Variants in STK32C observed in about 807,000 individuals in gnomAD.
STK32C encodes the protein serine/threonine kinase 32C.
A neutral mutation model predicts 56.5 loss-of-function variants in STK32C; 31 were observed. That is an observed-to-expected ratio of 0.55 (90% CI 0.41 to 0.74). The LOEUF is 0.74. Among genes scored for constraint, STK32C ranks in the 30% least tolerant of loss-of-function variants. STK32C has a pLI of 0.00. For synonymous variants in STK32C, 309 were observed against 289.4 expected (o/e 1.07, Z -0.69); for missense variants, 544 against 676.9 (o/e 0.80, Z 2.18).
chr10:132,290,929 G>A (rs923493696), intron 1 of STK32C, among the ~76,000 whole-genome samples: 1 of 152,132 alleles, frequency 6.6e-6, no homozygotes. Context: ...CCACATCCAG[G>A]GCAACCCAAG....
intron 1 of STK32C, among the ~76,000 whole-genome samples, chr10:132,305,558 G>A (rs969819603): frequency 3.3e-5 from 5 of 152,196 alleles, no homozygotes; most frequent in Admixed American, 6.5e-5. Flanking sequence ...ACGGGGCCAC[G>A]AAAGTACCAG....
chr10:132,308,019 G>C, upstream of STK32C: 2 of 822,662 alleles, frequency 2.4e-6, no homozygotes, highest in Non-Finnish European at 1.5e-6. Context: ...TCTGGAAGGG[G>C]CGGGGGCGGG....
In STK32C at chr10:132,253,543, G is replaced by GC. The variant is rs1461213307; in HGVS notation, c.263-7589_263-7588insG. On this transcript the variant is annotated intron_variant, in intron 1 of 11. Transcript: ENST00000298630. ...AGGGAGCCGGAGGGAGCTGGAGGGA[G>GC]TCGAGGGAGCTGGAGGGAGTCGAGG... is the stretch of plus-strand genomic sequence containing the variant. Among the ~76,000 whole-genome samples, 16 of 127,618 alleles carry GC rather than the reference G, an allele frequency of 1.3e-4. 1 individual carries two copies. The East Asian group carries it at 3.9e-3, about 31-fold the overall frequency. 83.7% of individuals were successfully genotyped at this position (127,618 alleles called of 152,430 possible).
chr10:132,249,607 T>A (rs1477454689), intron 1 of STK32C, among the ~76,000 whole-genome samples: 3 of 152,130 alleles, frequency 2.0e-5, no homozygotes, highest in Non-Finnish European at 4.4e-5. Flanking sequence ...GGCAGGGGGC[T>A]GACCGGCATC....
At chr10:132,227,562 G>A (rs2062934188) in intron 3 of STK32C, among the ~76,000 whole-genome samples, 1 of 152,046 alleles carries the variant, frequency 6.6e-6, no homozygotes, top group East Asian at 1.9e-4. Flanking sequence ...TAGTGATGAC[G>A]GTGATGAGAG....
exon 1 of STK32C, chr10:132,331,782 G>T (rs368777372): frequency 5.6e-6 from 9 of 1,607,722 alleles, no homozygotes; most frequent in African/African-American, 1.3e-5. Flanking sequence ...CGCCCCTCCA[G>T]ACCCTCGCGG....
At chr10:132,264,287 A>G (rs11146282) in intron 1 of STK32C, among the ~76,000 whole-genome samples, 55,482 of 152,152 alleles carry the variant, frequency 0.36, 10,544 homozygotes, top group African/African-American at 0.41. Flanking sequence ...AGTGGCCCAC[A>G]ATCAGTTGGC....
rs545147559 is a variant in STK32C at position 132,286,483 on chromosome 10, A to G, written c.262+21089T>C. ...CCAGACAAGGACACTGCAGGAAAGA[A>G]AACACAGGCCAATATCCCTAATGAA... is the stretch of plus-strand genomic sequence containing the variant. On this transcript the variant is annotated intron_variant, in intron 1 of 11. Transcript: ENST00000298630. 1.4e-4 allele frequency among the ~76,000 whole-genome samples: 22 copies of G among 152,396 alleles called. No homozygotes were observed. In the Middle Eastern group the frequency reaches 0.01, roughly 71 times the overall value.
At chr10:132,258,490 C>G (rs1334405927) in intron 1 of STK32C, among the ~76,000 whole-genome samples, 1 of 152,242 alleles carries the variant, frequency 6.6e-6, no homozygotes, top group South Asian at 2.1e-4. Flanking sequence ...AGGACGGGTC[C>G]AGTGCGCTCT....
exon 2 of STK32C, chr10:132,324,189 C>T (rs2066456282): frequency 1.3e-6 from 1 of 776,868 alleles, no homozygotes; most frequent in Admixed American, 1.7e-5. Context: ...GGTACTGAGA[C>T]AAGTTCACCA....
chr10:132,264,945 C>T (rs1049004561), intron 1 of STK32C, among the ~76,000 whole-genome samples: 2 of 152,256 alleles, frequency 1.3e-5, no homozygotes, highest in African/African-American at 4.8e-5. Flanking sequence ...AAGCCTCATC[C>T]ATCATACCCG....
intron 2 of STK32C, among the ~76,000 whole-genome samples, chr10:132,238,602 T>C (rs1271619515): frequency 6.6e-6 from 1 of 151,968 alleles, no homozygotes; most frequent in Admixed American, 6.6e-5. Flanking sequence ...GGCTCAAGCC[T>C]GGGAAAGCAT....
intron 1 of STK32C, among the ~76,000 whole-genome samples, chr10:132,263,793 G>A (rs191227700): frequency 1.2e-4 from 18 of 149,634 alleles, no homozygotes; most frequent in African/African-American, 4.2e-4. Context: ...TTGAACCTGG[G>A]AGGCAGAGGC....
At chr10:132,330,367 C>T in intron 1 of STK32C, 1 of 703,668 alleles carries the variant, frequency 1.4e-6, no homozygotes, top group Non-Finnish European at 2.7e-6. Context: ...GTGCTGAAAT[C>T]TTCCATCCCC....
chr10:132,291,405 G>A (rs1029888462), intron 1 of STK32C, among the ~76,000 whole-genome samples: 12 of 152,160 alleles, frequency 7.9e-5, no homozygotes. Context: ...GCTTTCTGAG[G>A]ACCCAGGAGC....
chr10:132,261,017 C>T lies in STK32C; in HGVS notation c.263-15062G>A, dbSNP rs529431824. On this transcript the variant is annotated intron_variant, in intron 1 of 11. Coordinates refer to ENST00000298630, the MANE Select transcript of STK32C (RefSeq NM_173575.4). ...CCTGGGGCTGGGGGAAGCTGTCCGA[C>T]TGGCATCCCGACCTCCCACAGGCCT... Among the ~76,000 whole-genome samples, 10 of 151,494 alleles carry T rather than the reference C, an allele frequency of 6.6e-5. No homozygotes were observed. The East Asian group carries it at 1.7e-3, about 26-fold the overall frequency.
chr10:132,221,291 G>A (rs1233495302), intron 10 of STK32C, among the ~76,000 whole-genome samples: 1 of 150,640 alleles, frequency 6.6e-6, no homozygotes, highest in Non-Finnish European at 1.5e-5. Flanking sequence ...TGACGCACCT[G>A]GGCGAGTGTG....
At chr10:132,238,369 G>A (rs1353093839) in intron 2 of STK32C, among the ~76,000 whole-genome samples, 1 of 152,242 alleles carries the variant, frequency 6.6e-6, no homozygotes, top group Non-Finnish European at 1.5e-5. Context: ...ACCAACAGGA[G>A]GAGGGGCATG....
exon 1 of STK32C, chr10:132,331,696 C>T: frequency 1.2e-6 from 2 of 1,612,792 alleles, no homozygotes; most frequent in South Asian, 2.2e-5. Flanking sequence ...AGCAGCCCCG[C>T]CCGCCCCGGG....
Sources: gnomAD v4.1 joint callset for allele counts (sites outside exome capture counted in the v4.1 genomes callset) on GRCh38, gnomAD v4.1.1 for gene constraint, MANE v1.5 for transcripts, NCBI Gene and HGNC (gene_info 2026-07-23, HGNC 2026-07-21) for gene names.